Variants in DMD observed in about 807,000 individuals in gnomAD.
The protein encoded by DMD is dystrophin.
A neutral mutation model predicts 330.1 loss-of-function variants in DMD; 63 were observed. The ratio of observed to expected loss-of-function variants is 0.19; its 90% CI spans 0.16 to 0.24. DMD has a LOEUF of 0.24. DMD is among the 10% of genes least tolerant of loss of function. The pLI is 1.00. For missense variants in DMD, 3,344 were observed against 2,684.1 expected (o/e 1.25, Z -5.43); for synonymous variants, 1,223 against 959.8 (o/e 1.27, Z -5.07).
chrX:31,662,971 C>T (rs750071017), intron 53 of DMD, among the ~76,000 whole-genome samples: 3 of 111,249 alleles, frequency 2.7e-5, no homozygotes, highest in African/African-American at 6.5e-5. Flanking sequence ...ACCAAGAGGT[C>T]GTTTGCTCTT....
At chrX:32,748,168 C>G (rs1005088995) in intron 7 of DMD, among the ~76,000 whole-genome samples, 2 of 109,281 alleles carry the variant, frequency 1.8e-5, no homozygotes, top group Admixed American at 2.0e-4. Context: ...CATGGCAAAA[C>G]CCCGTTTCTA....
intron 1 of DMD, among the ~76,000 whole-genome samples, chrX:33,119,435 T>A (rs970779925): frequency 1.8e-5 from 2 of 112,241 alleles, no homozygotes; most frequent in Non-Finnish European, 3.8e-5. Context: ...ATTCCGCAAA[T>A]ACATATTAAG....
chrX:31,886,409 T>C (rs1328269874), intron 47 of DMD, among the ~76,000 whole-genome samples: 1 of 111,465 alleles, frequency 9.0e-6, no homozygotes, highest in Non-Finnish European at 1.9e-5. Flanking sequence ...GCAAAAACAA[T>C]TCATCTTTTT....
chrX:31,493,106 G>A (rs758181567), intron 57 of DMD, among the ~76,000 whole-genome samples: 1 of 111,636 alleles, frequency 9.0e-6, no homozygotes, highest in East Asian at 2.8e-4. Context: ...GAAAACTCCT[G>A]TAAATAAGAA....
intron 7 of DMD, among the ~76,000 whole-genome samples, chrX:32,775,903 T>A (rs1356082122): frequency 1.8e-5 from 2 of 112,825 alleles, no homozygotes; most frequent in Non-Finnish European, 3.7e-5. Context: ...TCCAAACTTT[T>A]ATGCTCTGCT....
chrX:32,886,092 C>G (rs932454224), intron 2 of DMD, among the ~76,000 whole-genome samples: 1 of 111,123 alleles, frequency 9.0e-6, no homozygotes, highest in Non-Finnish European at 1.9e-5. Flanking sequence ...CATTCAATCC[C>G]ACATGGCAGC....
chrX:32,573,958 G>T, intron 13 of DMD, 112 bp from the exon 14 acceptor site: 1 of 583,068 alleles, frequency 1.7e-6, no homozygotes, highest in African/African-American at 2.2e-5. Context: ...TACGCTAGAA[G>T]TTGGAAGGGA....
intron 51 of DMD, among the ~76,000 whole-genome samples, chrX:31,734,800 A>C (rs1211343135): frequency 8.9e-6 from 1 of 111,882 alleles, no homozygotes; most frequent in African/African-American, 3.2e-5. Flanking sequence ...ATCAGAGCAT[A>C]TGGCAAAGAT....
intron 2 of DMD, among the ~76,000 whole-genome samples, chrX:32,875,467 A>T (rs1305662132): frequency 8.9e-6 from 1 of 111,927 alleles, no homozygotes; most frequent in Non-Finnish European, 1.9e-5. Context: ...CTGTAGGGAG[A>T]TATGTTTTGG....
intron 1 of DMD, among the ~76,000 whole-genome samples, chrX:33,063,175 TTACTG>T (rs1180068344): frequency 1.8e-5 from 2 of 112,009 alleles, no homozygotes; most frequent in Non-Finnish European, 3.8e-5. Flanking sequence ...AAAATTATTA[TTACTG>T]TACTTCATTT....
chrX:31,582,898 AAG>A (rs758081328), intron 55 of DMD, among the ~76,000 whole-genome samples: 1 of 112,301 alleles, frequency 8.9e-6, no homozygotes, highest in African/African-American at 3.2e-5. Flanking sequence ...ATATGCATAA[AAG>A]AGAGAAGTCT....
At chrX:32,068,338 G>A (rs1423682684) in intron 44 of DMD, among the ~76,000 whole-genome samples, 2 of 104,669 alleles carry the variant, frequency 1.9e-5, no homozygotes, top group African/African-American at 7.0e-5. Context: ...ATTTTGCCAT[G>A]CAGAAGCTCT....
At chrX:32,133,011 T>G (rs1420421827) in intron 44 of DMD, among the ~76,000 whole-genome samples, 1 of 87,403 alleles carries the variant, frequency 1.1e-5, no homozygotes, top group East Asian at 3.2e-4. Flanking sequence ...TTTTTTTTTT[T>G]TTTTTTTTTT....
chrX:32,231,427 G>A (rs2097168740), intron 43 of DMD, among the ~76,000 whole-genome samples: 1 of 111,601 alleles, frequency 9.0e-6, no homozygotes, highest in Admixed American at 9.6e-5. Flanking sequence ...ATAGGCTGCT[G>A]CGGCAAATCA....
intron 45 of DMD, among the ~76,000 whole-genome samples, chrX:31,961,740 G>GTTTTTTTTTTTTTTTTTTTTTTTTTTTTT (rs59279553): frequency 1.3e-5 from 1 of 75,640 alleles, no homozygotes; most frequent in African/African-American, 5.3e-5. Context: ...AAAGGAAGCG[G>GTTTTTTTTTTTTTTTTTTTTTTTTTTTTT]TTTTTTTTTT....
intron 44 of DMD, 132 bp from the exon 45 acceptor site, chrX:31,968,646 T>C: frequency 1.4e-6 from 1 of 737,452 alleles, no homozygotes; most frequent in Non-Finnish European, 2.0e-6. Context: ...TGTGAAAATT[T>C]CCCTATGAAA....
intron 45 of DMD, among the ~76,000 whole-genome samples, chrX:31,954,012 T>G (rs950905785): frequency 9.1e-6 from 1 of 110,345 alleles, no homozygotes; most frequent in African/African-American, 3.3e-5. Context: ...AAACACCAAA[T>G]AAGTCAGTAG....
chrX:32,303,823 A>G lies in DMD; in HGVS notation c.6117+6259T>C, dbSNP rs137874051. 8.9e-3 allele frequency among the ~76,000 whole-genome samples: 985 copies of G among 110,204 alleles called. 4 individuals are homozygous for G. Among genetic ancestry groups the G allele is most frequent in the African/African-American group, 0.031 (929 of 30,456 alleles). On this transcript the variant is annotated intron_variant, in intron 42 of 78. Coordinates refer to ENST00000357033, the MANE Select transcript of DMD (RefSeq NM_004006.3). ...CAGATAAAGGCAACACCCTATATAA[A>G]TCTAATTCTTACACTCTTCACATCC... is the stretch of plus-strand genomic sequence containing the variant.
chrX:31,448,763 C>T (rs183623356), intron 59 of DMD, among the ~76,000 whole-genome samples: 359 of 111,703 alleles, frequency 3.2e-3, no homozygotes, highest in African/African-American at 0.011. Flanking sequence ...CATGAAAGAG[C>T]AAACCAAGTC....
Sources: allele counts gnomAD v4.1 joint callset (sites outside exome capture counted in the v4.1 genomes callset), GRCh38; gene constraint gnomAD v4.1.1; transcripts MANE v1.5; gene names NCBI Gene and HGNC (gene_info 2026-07-23, HGNC 2026-07-21).